Variants in PRKCH observed in about 807,000 individuals in gnomAD.
PRKCH encodes the protein protein kinase C eta.
A neutral mutation model predicts 82.5 loss-of-function variants in PRKCH; 28 were observed. The ratio of observed to expected loss-of-function variants is 0.34; its 90% confidence interval spans 0.25 to 0.47. The LOEUF (loss-of-function observed/expected upper bound fraction) is 0.47, where lower values mean the gene tolerates loss of function less well. Ranked by LOEUF, PRKCH falls within the 20% of genes least tolerant of loss-of-function variation. PRKCH has a pLI of 1.00. For synonymous variants in PRKCH, 322 were observed against 327.4 expected (o/e 0.98, Z 0.18); for missense variants, 705 against 881.8 (o/e 0.80, Z 2.54).
intron 10 of PRKCH, among the ~76,000 whole-genome samples, chr14:61,495,145 G>A (rs1886613054): frequency 6.6e-6 from 1 of 152,198 alleles, no homozygotes; most frequent in Admixed American, 6.5e-5. Flanking sequence ...GACCATTAGT[G>A]GAGTGAACAT....
intron 1 of PRKCH, chr14:61,279,654 A>C (rs934659875): frequency 2.6e-5 from 4 of 156,410 alleles, no homozygotes; most frequent in African/African-American, 7.2e-5. Flanking sequence ...CCCCGACCAA[A>C]GAAAAGAAAA....
At chr14:61,535,285 G>C (rs1303607043) in intron 12 of PRKCH, among the ~76,000 whole-genome samples, 1 of 152,110 alleles carries the variant, frequency 6.6e-6, no homozygotes, top group Non-Finnish European at 1.5e-5. Context: ...CAGTCCAGTT[G>C]GGGTGGGGAG....
chr14:61,262,821 A>G (rs187878869), intron 1 of PRKCH, among the ~76,000 whole-genome samples: 245 of 152,288 alleles, frequency 1.6e-3, no homozygotes, highest in African/African-American at 5.5e-3. Flanking sequence ...GGGAAAGCCA[A>G]ATTAATTAAG....
intron 1 of PRKCH, among the ~76,000 whole-genome samples, chr14:61,236,020 G>A (rs2044784976): frequency 6.6e-6 from 1 of 152,020 alleles, no homozygotes; most frequent in South Asian, 2.1e-4. Flanking sequence ...CCTTTTTTTG[G>A]AATTCAGGCA....
chr14:61,447,627 A>G (rs1210950901), intron 4 of PRKCH, among the ~76,000 whole-genome samples: 1 of 152,230 alleles, frequency 6.6e-6, no homozygotes, highest in Non-Finnish European at 1.5e-5. Context: ...CTAGAAATCA[A>G]TTACTGTAAG....
chr14:61,513,703 T>C (rs763550589), intron 10 of PRKCH, among the ~76,000 whole-genome samples: 2 of 152,088 alleles, frequency 1.3e-5, no homozygotes, highest in Non-Finnish European at 2.9e-5. Context: ...ACTTATATTG[T>C]CATGTAGTAT....
chr14:61,410,618 A>G (rs1030194831), intron 2 of PRKCH, among the ~76,000 whole-genome samples: 1 of 152,230 alleles, frequency 6.6e-6, no homozygotes, highest in South Asian at 2.1e-4. Context: ...GGCAAAGAGC[A>G]CTGGTGTGGC....
chr14:61,504,673 C>T (rs12432211), intron 10 of PRKCH, among the ~76,000 whole-genome samples: 4,003 of 152,214 alleles, frequency 0.026, 169 homozygotes, highest in Admixed American at 0.11. Context: ...ATTCTCCTCT[C>T]GTTCAGAAAT....
chr14:61,459,705 G>C (rs956917503), intron 9 of PRKCH, among the ~76,000 whole-genome samples: 20 of 152,284 alleles, frequency 1.3e-4, no homozygotes, highest in African/African-American at 4.3e-4. Context: ...AAAGAAACAA[G>C]TATTGCTCGT....
Position 61,345,034 on chromosome 14 carries a change from A to G in PRKCH, c.363+22570A>G, listed in dbSNP as rs1240538908. Among the ~76,000 whole-genome samples the G allele has an allele frequency of 2.6e-5, 4 of 152,240 alleles. No individual in the cohort carries two copies. In the South Asian group the frequency reaches 6.2e-4, roughly 24 times the overall value. ...TTCTTTCTGTTCCTGTCACAGTACT[A>G]GGCTGTATACTCATTCACCCTCAGT... On this transcript the variant is annotated intron_variant, in intron 1 of 13. Coordinates refer to ENST00000332981, the MANE Select transcript of PRKCH (RefSeq NM_006255.5).
chr14:61,240,501 T>A (rs921009630), intron 1 of PRKCH, among the ~76,000 whole-genome samples: 3 of 152,120 alleles, frequency 2.0e-5, no homozygotes, highest in African/African-American at 4.8e-5. Flanking sequence ...GTGACAAGGA[T>A]AAGAGGGCAG....
At chr14:61,318,365 GTTTT>G (rs77878429), upstream of PRKCH, among the ~76,000 whole-genome samples, 3 of 126,326 alleles carry the variant, frequency 2.4e-5, no homozygotes, top group African/African-American at 6.3e-5. Flanking sequence ...GTTTTAAAAA[GTTTT>G]TTTTTTTTTT....
chr14:61,224,954 C>G (rs1395648488), intron 1 of PRKCH, among the ~76,000 whole-genome samples: 1 of 152,220 alleles, frequency 6.6e-6, no homozygotes, highest in East Asian at 1.9e-4. Flanking sequence ...GATCTCACCT[C>G]TCAACAGGAC....
At chr14:61,544,268 C>T (rs899379072) in intron 12 of PRKCH, 1 of 152,216 alleles carries the variant, frequency 6.6e-6, no homozygotes, top group Non-Finnish European at 1.5e-5. Context: ...CCCTGCTCAA[C>T]TCCAGGCCGT....
chr14:61,382,743 G>A (rs1456386749), intron 1 of PRKCH, among the ~76,000 whole-genome samples: 1 of 152,110 alleles, frequency 6.6e-6, no homozygotes. Context: ...TTCTACCTTT[G>A]CCCCCAAAAT....
chr14:61,478,965 G>A (rs1370641777), intron 9 of PRKCH, among the ~76,000 whole-genome samples: 2 of 152,128 alleles, frequency 1.3e-5, no homozygotes, highest in South Asian at 2.1e-4. Flanking sequence ...GCAAAAAAAA[G>A]AACTAAAAAT....
chr14:61,511,027 T>G (rs1347141532), intron 10 of PRKCH, among the ~76,000 whole-genome samples: 1 of 152,074 alleles, frequency 6.6e-6, no homozygotes, highest in African/African-American at 2.4e-5. Flanking sequence ...TTAGGGGTGG[T>G]GAGAGACTTA....
chr14:61,224,603 A>G (rs1006308552), intron 1 of PRKCH, among the ~76,000 whole-genome samples: 1 of 152,166 alleles, frequency 6.6e-6, no homozygotes, highest in Non-Finnish European at 1.5e-5. Context: ...TGATTTTCTC[A>G]TGATGAGACT....
chr14:61,320,856 G>A (rs982870225), upstream of PRKCH, among the ~76,000 whole-genome samples: 5 of 152,220 alleles, frequency 3.3e-5, no homozygotes, highest in African/African-American at 1.2e-4. Context: ...GCCTGTGTGT[G>A]TGAACATTTT....
Sources: allele counts gnomAD v4.1 joint callset (sites outside exome capture counted in the v4.1 genomes callset), GRCh38; gene constraint gnomAD v4.1.1; transcripts MANE v1.5; gene names NCBI Gene and HGNC (gene_info 2026-07-23, HGNC 2026-07-21).